Variants in PCDHA5 observed in about 807,000 individuals in gnomAD.
PCDHA5 encodes the protein protocadherin alpha 5, also known as protocadherin alpha-5.
Under a neutral mutation model 61.6 loss-of-function variants are expected in PCDHA5, and 43 were observed. The observed-to-expected ratio is 0.70, with a 90% confidence interval of 0.55 to 0.90. PCDHA5 has a LOEUF of 0.90. Among genes scored for constraint, PCDHA5 ranks in the 40% least tolerant of loss-of-function variants. PCDHA5 has a pLI of 0.00. For synonymous variants in PCDHA5, 627 were observed against 543.9 expected (o/e 1.15, Z -2.13); for missense variants, 1,298 against 1,222.7 (o/e 1.06, Z -0.92).
intron 3 of PCDHA5, among the ~76,000 whole-genome samples, chr5:140,999,223 G>A (rs1554256702): frequency 3.3e-5 from 5 of 152,316 alleles, no homozygotes; most frequent in African/African-American, 1.2e-4. Flanking sequence ...TACTACATTT[G>A]AGAATAGGTG....
chr5:140,862,916 G>A, intron 1 of PCDHA5: 1 of 547,890 alleles, frequency 1.8e-6, no homozygotes, highest in Non-Finnish European at 3.5e-6. Context: ...CTGGCGCCTT[G>A]GGTGGGCTGG....
Position 140,886,416 on chromosome 5 carries a change from A to T in PCDHA5, c.2352+62289A>T, listed in dbSNP as rs184712902. Among the ~76,000 whole-genome samples, 13 of 152,286 alleles carry T rather than the reference A, an allele frequency of 8.5e-5. No homozygotes were observed. The East Asian group carries it at 2.5e-3, about 29-fold the overall frequency. ...TGCATCACAAATATGTTTTCCTCCT[A>T]TATTATTTCTATTCATTTGTTTGTA... is the stretch of plus-strand genomic sequence containing the variant. On this transcript the variant is annotated intron_variant, in intron 1 of 3. Transcript: ENST00000529859.
intron 1 of PCDHA5, among the ~76,000 whole-genome samples, chr5:140,959,030 G>A (rs1303090530): frequency 6.6e-6 from 1 of 151,776 alleles, no homozygotes; most frequent in African/African-American, 2.4e-5. Flanking sequence ...GCTTTATCAT[G>A]GGTATGTATG....
chr5:140,926,797 T>C (rs2153584735), intron 1 of PCDHA5: 2 of 1,450,476 alleles, frequency 1.4e-6, no homozygotes, highest in Admixed American at 2.7e-5. Flanking sequence ...AGGAGCGTGC[T>C]CTTCCCCGCG....
intron 1 of PCDHA5, among the ~76,000 whole-genome samples, chr5:140,827,341 T>C (rs1438328156): frequency 6.6e-6 from 1 of 152,148 alleles, no homozygotes; most frequent in Non-Finnish European, 1.5e-5. Flanking sequence ...TGGTGAAGTA[T>C]ATGAAAAGAA....
intron 1 of PCDHA5, among the ~76,000 whole-genome samples, chr5:140,918,821 GC>G (rs35355209): frequency 0.76 from 114,950 of 152,064 alleles, 44,573 homozygotes; most frequent in African/African-American, 0.94. Flanking sequence ...CCAAAAAGTG[GC>G]CCCCTCCCCA....
intron 1 of PCDHA5, chr5:140,870,171 C>T: frequency 6.2e-7 from 1 of 1,614,140 alleles, no homozygotes; most frequent in East Asian, 2.2e-5. Context: ...CCTTGTCCCT[C>T]CCAGTACGAG....
At chr5:140,967,562 C>T in intron 1 of PCDHA5, 1 of 1,614,064 alleles carries the variant, frequency 6.2e-7, no homozygotes, top group Non-Finnish European at 8.5e-7. Context: ...TCGCGTCCAG[C>T]TACGGGAGGA....
chr5:140,950,738 T>C (rs900517873), intron 1 of PCDHA5, among the ~76,000 whole-genome samples: 5 of 152,150 alleles, frequency 3.3e-5, no homozygotes, highest in African/African-American at 7.2e-5. Flanking sequence ...TTAATCCTAA[T>C]TTCTCTCTAT....
chr5:141,010,201 C>G lies in PCDHA5; in HGVS notation c.*264C>G, dbSNP rs782495760. On this transcript the variant is annotated 3_prime_UTR_variant, in exon 4 of 4. Coordinates refer to ENST00000529859, the MANE Select transcript of PCDHA5 (RefSeq NM_018908.3). ...GCAGACCCAAGTTTCCTTTCTCCTC[C>G]GCCGCAAAGGAGAGGCTTCCCAGCC... 9.0e-6 allele frequency: 14 copies of G among 1,551,916 alleles called. No homozygotes were observed. Among genetic ancestry groups the G allele is most frequent in the Non-Finnish European group, 1.0e-5 (12 of 1,147,084 alleles).
intron 3 of PCDHA5, among the ~76,000 whole-genome samples, chr5:140,998,792 G>A (rs747824792): frequency 6.6e-6 from 1 of 152,156 alleles, no homozygotes; most frequent in Non-Finnish European, 1.5e-5. Flanking sequence ...TGGAACCCCT[G>A]ACCTCAGGTG....
intron 1 of PCDHA5, among the ~76,000 whole-genome samples, chr5:140,971,595 A>G (rs1228003229): frequency 6.6e-6 from 1 of 152,110 alleles, no homozygotes; most frequent in African/African-American, 2.4e-5. Flanking sequence ...CCTAGTTACT[A>G]CAGATGGCAG....
chr5:140,876,191 C>T (rs1313911800), intron 1 of PCDHA5: 3 of 1,613,760 alleles, frequency 1.9e-6, no homozygotes, highest in Non-Finnish European at 2.5e-6. Context: ...GACAATGGTC[C>T]GGCGTTTGAT....
At chr5:140,908,103 TC>T (rs1554193224) in intron 1 of PCDHA5, among the ~76,000 whole-genome samples, 2 of 152,192 alleles carry the variant, frequency 1.3e-5, no homozygotes, top group Non-Finnish European at 2.9e-5. Flanking sequence ...TGAAGTTCTG[TC>T]CACTGGGAAG....
At chr5:140,992,999 C>G (rs1254110475) in intron 3 of PCDHA5, among the ~76,000 whole-genome samples, 4 of 152,188 alleles carry the variant, frequency 2.6e-5, no homozygotes, top group African/African-American at 9.7e-5. Flanking sequence ...CATGAAAGAG[C>G]CTCCCCAGAG....
chr5:140,999,537 C>G, intron 3 of PCDHA5, among the ~76,000 whole-genome samples: 1 of 152,266 alleles, frequency 6.6e-6, no homozygotes, highest in Non-Finnish European at 1.5e-5. Context: ...CTGGATATGA[C>G]AGCCAATGAA....
At chr5:140,882,677 A>C (rs782476966) in intron 1 of PCDHA5, 1 of 1,614,214 alleles carries the variant, frequency 6.2e-7, no homozygotes. Context: ...CCCTGAAAGC[A>C]AGAAACGAAT....
intron 1 of PCDHA5, among the ~76,000 whole-genome samples, chr5:140,939,691 G>A (rs782722243): frequency 3.5e-4 from 53 of 152,250 alleles, no homozygotes; most frequent in African/African-American, 1.2e-3. Context: ...TGTGTTGCTG[G>A]ACATTATCAT....
At chr5:140,966,208 T>G (rs993246205) in intron 1 of PCDHA5, 2 of 231,366 alleles carry the variant, frequency 8.6e-6, no homozygotes, top group Admixed American at 1.1e-4. Flanking sequence ...TTGACTGCTT[T>G]TCCCAGACTA....
Sources: allele counts gnomAD v4.1 joint callset (sites outside exome capture counted in the v4.1 genomes callset), GRCh38; gene constraint gnomAD v4.1.1; transcripts MANE v1.5; gene names NCBI Gene and HGNC (gene_info 2026-07-23, HGNC 2026-07-21).